EPHX2: variants seen among roughly 807,000 people sequenced by gnomAD.
The protein encoded by EPHX2 is epoxide hydrolase 2.
EPHX2 carries 74 observed loss-of-function variants against 78.7 expected under a neutral mutation model. That is an observed-to-expected ratio of 0.94 (90% CI 0.78 to 1.14). The LOEUF is 1.14. Among genes scored for constraint, EPHX2 ranks in the 50% most tolerant of loss-of-function variants. The pLI is 0.00. For synonymous variants in EPHX2, 251 were observed against 255.2 expected, an observed-to-expected ratio of 0.98 and a Z score of 0.16; for missense variants, 715 against 702.5, an observed-to-expected ratio of 1.02 and a Z score of -0.20.
chr8:27,542,230 A>G (rs1320772388), intron 16 of EPHX2, among the ~76,000 whole-genome samples: 2 of 152,130 alleles, frequency 1.3e-5, no homozygotes, highest in Non-Finnish European at 2.9e-5. Context: ...TGGTGTGTAA[A>G]CAGACCAGGT....
intron 9 of EPHX2, among the ~76,000 whole-genome samples, chr8:27,518,333 G>A (rs1388270930): frequency 6.6e-6 from 1 of 152,238 alleles, no homozygotes; most frequent in Non-Finnish European, 1.5e-5. Context: ...GAGGTCAGTA[G>A]CCAGTAGAGC....
In EPHX2 at chr8:27,503,073, G is replaced by A. The variant is rs76296551; in HGVS notation, c.187-531G>A. ...TTGGGTCATGAGGGTGGAACCCTCAGGAGTGAGATCAGTGCACTTATAAAA... is the reference window on the plus strand; with the variant it reads ...TTGGGTCATGAGGGTGGAACCCTCAAGAGTGAGATCAGTGCACTTATAAAA... On this transcript the variant is annotated intron_variant, in intron 2 of 18. Transcript: ENST00000521400. 3.8e-3 allele frequency among the ~76,000 whole-genome samples: 584 copies of A among 152,244 alleles called. 4 individuals carry two copies. The highest frequency in any genetic ancestry group is 0.013 in the African/African-American group (557 of 41,534).
intron 3 of EPHX2, 87 bp from the exon 4 acceptor site, chr8:27,504,869 C>A: frequency 1.4e-6 from 2 of 1,381,034 alleles, no homozygotes; most frequent in Non-Finnish European, 2.0e-6. Flanking sequence ...ACCTGCTTGG[C>A]CCATCATTGG....
In EPHX2 at chr8:27,543,903, C is replaced by T. The variant is rs546842819; in HGVS notation, c.1530+74C>T. On this transcript the variant is annotated intron_variant, in intron 17 of 18. Transcript: ENST00000521400. ...GCACGGGTGCTCAGAGGGAAGACGG[C>T]AGCAGAAGATACACCTTGTCATGTG... 48 of 1,477,828 alleles carry T rather than the reference C, an allele frequency of 3.2e-5. No homozygotes were observed. The African/African-American group carries it at 5.0e-4, about 15-fold the overall frequency. The allele number at this position is 1,477,828 out of a possible 1,614,324, so 91.5% of individuals were successfully genotyped here.
chr8:27,541,310 C>T (rs1332196792), intron 15 of EPHX2, among the ~76,000 whole-genome samples, 163 bp from the exon 16 acceptor site: 3 of 152,230 alleles, frequency 2.0e-5, no homozygotes, highest in African/African-American at 4.8e-5. Context: ...TTGGCAACTG[C>T]GCCCGACAGC....
chr8:27,522,522 G>C lies in EPHX2; in HGVS notation c.1058+14G>C, dbSNP rs72475888. 6.2e-7 allele frequency: 1 copy of C among 1,612,442 alleles called. No individual in the cohort carries two copies. The highest frequency in any genetic ancestry group is 8.5e-7 in the Non-Finnish European group (1 of 1,178,862). Reference sequence around the variant, plus strand: ...CGAGAGAGTGAGGTAATTGGGCCTCGGGCAATAAAGATTTGGAGGAGGCTG... The same window carrying C: ...CGAGAGAGTGAGGTAATTGGGCCTCCGGCAATAAAGATTTGGAGGAGGCTG... On this transcript the variant is annotated intron_variant, in intron 11 of 18. Transcript: ENST00000521400.
At chr8:27,540,486 G>A in intron 14 of EPHX2, 68 bp from the exon 15 acceptor site, 1 of 1,392,396 alleles carries the variant, frequency 7.2e-7, no homozygotes, top group Admixed American at 1.7e-5. Context: ...GAGGCAATGA[G>A]GTCCCCACCT....
chr8:27,501,074 C>A, intron 2 of EPHX2, 64 bp downstream of exon 2: 1 of 1,451,890 alleles, frequency 6.9e-7, no homozygotes, highest in South Asian at 1.2e-5. Context: ...GCCCATCTCC[C>A]CGAACTTGGG....
At chr8:27,542,628 G>A (rs1338708864) in intron 16 of EPHX2, among the ~76,000 whole-genome samples, 1 of 152,142 alleles carries the variant, frequency 6.6e-6, no homozygotes, top group African/African-American at 2.4e-5. Context: ...TGGTGCTAAG[G>A]TCAGAAACCC....
At chr8:27,528,795 TTTATTA>T (rs1011650761) in intron 12 of EPHX2, among the ~76,000 whole-genome samples, 2 of 152,028 alleles carry the variant, frequency 1.3e-5, no homozygotes, top group African/African-American at 4.8e-5. Context: ...CACTTATTTT[TTTATTA>T]TTATTATTAT....
At chr8:27,538,213 T>C (rs1487987971) in intron 13 of EPHX2, among the ~76,000 whole-genome samples, 2 of 152,186 alleles carry the variant, frequency 1.3e-5, no homozygotes, top group African/African-American at 4.8e-5. Flanking sequence ...TTTATCATCA[T>C]GAGGGGATTT....
rs539360462 is a variant in EPHX2 at position 27,522,962 on chromosome 8, C to CAAA, written c.1058+477_1058+479dup. ...GGTGACAAGAGTGAAACTCCGTTTC[C>CAAA]AAAAAAAAAAAAAAAAAAAAAAAAA... On this transcript the variant is annotated intron_variant, in intron 11 of 18. Transcript: ENST00000521400. Among the ~76,000 whole-genome samples, 238 of 62,666 alleles carry CAAA rather than the reference C, an allele frequency of 3.8e-3. 6 individuals are homozygous for CAAA. Among genetic ancestry groups the CAAA allele is most frequent in the African/African-American group, 0.013 (226 of 16,892 alleles). The allele number at this position is 62,666 out of a possible 152,430, so 41.1% of individuals were successfully genotyped here.
rs1444737010 is a variant in EPHX2 at position 27,491,282 on chromosome 8, G to A, written c.74G>A (p.Arg25His). The A allele has an allele frequency of 1.3e-6, 2 of 1,573,046 alleles. No homozygotes were observed. Among genetic ancestry groups the A allele is most frequent in the Non-Finnish European group, 1.7e-6 (2 of 1,169,198 alleles). Residue 25 changes from arginine to histidine, a missense_variant, in exon 1 of 19, where the codon CGC becomes CAC. By Grantham distance (29) the Arg-to-His change is conservative. Transcript: ENST00000521400. Reference protein sequence around the residue: ...ALPAVFGVLGRTEEALALPRG... With the variant: ...ALPAVFGVLGHTEEALALPRG... ...CCAGCGGTGTTCGGCGTCCTCGGCC[G>A]CACGGAGGAGGCCCTGGCGCTGCCC...
At chr8:27,541,438 T>C (rs1815396914) in intron 15 of EPHX2, 35 bp from the exon 16 acceptor site, 1 of 1,609,064 alleles carries the variant, frequency 6.2e-7, no homozygotes, top group African/African-American at 1.3e-5. Flanking sequence ...GTCTACTTAC[T>C]GCCTCCCTCT....
intron 9 of EPHX2, among the ~76,000 whole-genome samples, chr8:27,518,968 C>A (rs1323074363): frequency 6.6e-6 from 1 of 152,208 alleles, no homozygotes; most frequent in African/African-American, 2.4e-5. Context: ...TGCTTATTTC[C>A]ATCAAAATCC....
rs1395313995 is a variant in EPHX2 at position 27,544,123 on chromosome 8, C to T, written c.1531-63C>T. On this transcript the variant is annotated intron_variant, in intron 17 of 18. Transcript: ENST00000521400. The stretch of plus-strand genomic sequence containing the variant: ...GAGAAGGCGTCCATTGCCCATTGCA[C>T]TAGCTAGAGACACACCCATCTGCCT... 1.9e-6 allele frequency: 3 copies of T among 1,588,878 alleles called. No individual in the cohort carries two copies. The African/African-American group carries it at 4.0e-5, about 21-fold the overall frequency.
At chr8:27,520,355 G>GTT (rs1455839402) in intron 9 of EPHX2, among the ~76,000 whole-genome samples, 1 of 145,050 alleles carries the variant, frequency 6.9e-6, no homozygotes, top group Non-Finnish European at 1.5e-5. Flanking sequence ...TTTGTTTTGG[G>GTT]TTTTTTTTTT....
At chr8:27,522,725 C>G (rs984543454) in intron 11 of EPHX2, among the ~76,000 whole-genome samples, 3 of 151,738 alleles carry the variant, frequency 2.0e-5, no homozygotes, top group African/African-American at 7.3e-5. Flanking sequence ...TTTGGGAGGC[C>G]AAGGTGGGTG....
In EPHX2 at chr8:27,545,014, G is replaced by A. The variant is rs61607222; in HGVS notation, c.*492G>A. The A allele has an allele frequency of 0.042, 7,053 of 168,974 alleles. 566 individuals carry two copies. Among genetic ancestry groups the A allele is most frequent in the African/African-American group, 0.16 (6,615 of 41,706 alleles). The allele number at this position is 168,974 out of a possible 1,614,324, so 10.5% of individuals were successfully genotyped here. ...CCCTTTCCCTCTGCTTTTGAGCCCTGTTCTGGGCTCCAAGGTGCTGTATGA... is the reference window on the plus strand; with the variant it reads ...CCCTTTCCCTCTGCTTTTGAGCCCTATTCTGGGCTCCAAGGTGCTGTATGA... On this transcript the variant is annotated 3_prime_UTR_variant, in exon 19 of 19. Transcript: ENST00000521400.
Sources: allele counts gnomAD v4.1 joint callset (sites outside exome capture counted in the v4.1 genomes callset), GRCh38; gene constraint gnomAD v4.1.1; transcripts MANE v1.5; gene names NCBI Gene and HGNC (gene_info 2026-07-23, HGNC 2026-07-21).